The following DOCK8 variants were observed in gnomAD, a reference collection of about 807,000 sequenced individuals.
The protein encoded by DOCK8 is dedicator of cytokinesis 8.
A neutral mutation model predicts 245.6 loss-of-function variants in DOCK8; 141 were observed. The observed-to-expected ratio is 0.57, with a 90% CI of 0.50 to 0.66. The LOEUF is 0.66. Among genes scored for constraint, DOCK8 ranks in the 30% least tolerant of loss-of-function variants. The pLI, the probability that DOCK8 is intolerant of heterozygous loss-of-function variation, is 0.00. For synonymous variants in DOCK8, 1,168 were observed against 970.2 expected (o/e 1.20, Z -3.79); for missense variants, 2,965 against 2,603.4 (o/e 1.14, Z -3.02).
At chr9:391,844 T>A (rs1013710643) in intron 24 of DOCK8, among the ~76,000 whole-genome samples, 4 of 136,390 alleles carry the variant, frequency 2.9e-5, no homozygotes, top group East Asian at 4.0e-4. Flanking sequence ...TTTTTTTTTT[T>A]AAAGAGAGTC....
chr9:213,254 GA>G (rs1044819640), upstream of DOCK8: 3 of 152,270 alleles, frequency 2.0e-5, no homozygotes, highest in African/African-American at 7.2e-5. Flanking sequence ...AACCAGTACT[GA>G]AAAGTTACTA....
At chr9:264,124 A>C (rs1298796786) in intron 1 of DOCK8, among the ~76,000 whole-genome samples, 2 of 152,220 alleles carry the variant, frequency 1.3e-5, no homozygotes, top group Non-Finnish European at 2.9e-5. Flanking sequence ...TTTTCTTTAA[A>C]CACAAGACAC....
chr9:305,833 CTCACAGCAGCATTAT>C (rs139158528), intron 5 of DOCK8, among the ~76,000 whole-genome samples: 2,186 of 152,282 alleles, frequency 0.014, 61 homozygotes, highest in African/African-American at 0.051. Context: ...TACACCTATG[CTCACAGCAGCATTAT>C]TCACAGCAGC....
intron 29 of DOCK8, among the ~76,000 whole-genome samples, chr9:416,089 C>T (rs193054769): frequency 7.9e-5 from 12 of 152,174 alleles, no homozygotes; most frequent in Admixed American, 7.9e-4. Context: ...TGGAGTAACT[C>T]AGAAGAGAAA....
chr9:400,279 A>T (rs1320607069), intron 26 of DOCK8, among the ~76,000 whole-genome samples: 12 of 48,292 alleles, frequency 2.5e-4, no homozygotes, highest in African/African-American at 1.6e-3. Context: ...CATCACCACC[A>T]CTTCCTTCAC....
At chr9:365,648 C>T (rs1324530301) in intron 14 of DOCK8, 1 of 453,546 alleles carries the variant, frequency 2.2e-6, no homozygotes, top group South Asian at 1.6e-5. Context: ...CCTTTGAGGT[C>T]GATGCAATTA....
At chr9:224,589 A>G (rs957062255) in intron 1 of DOCK8, among the ~76,000 whole-genome samples, 1 of 152,150 alleles carries the variant, frequency 6.6e-6, no homozygotes, top group African/African-American at 2.4e-5. Flanking sequence ...TCTCACTGCC[A>G]TACAGAGCAA....
intron 2 of DOCK8, among the ~76,000 whole-genome samples, chr9:274,001 C>G (rs1400179353): frequency 6.6e-6 from 1 of 152,134 alleles, no homozygotes; most frequent in Non-Finnish European, 1.5e-5. Flanking sequence ...CCACCATGCC[C>G]GGCCACCAGC....
In DOCK8 at chr9:413,083, T is replaced by TC. The variant is rs200696818; in HGVS notation, c.3531-1699_3531-1698insC. Among the ~76,000 whole-genome samples the TC allele has an allele frequency of 5.0e-4, 76 of 152,272 alleles. No individual in the cohort carries two copies. The East Asian group carries it at 0.011, about 22-fold the overall frequency. On this transcript the variant is annotated intron_variant, in intron 28 of 47. Transcript: ENST00000432829. Reference sequence around the variant, plus strand: ...AGACATATAGATCAATGAAATTGGGTTAAGAGTCCAAAAATAAATCTTCAT... The same window carrying TC: ...AGACATATAGATCAATGAAATTGGGTCTAAGAGTCCAAAAATAAATCTTCAT...
chr9:355,820 CA>C (rs1217106570), intron 14 of DOCK8, among the ~76,000 whole-genome samples: 4 of 151,938 alleles, frequency 2.6e-5, no homozygotes, highest in Admixed American at 2.6e-4. Context: ...ACCTCCCAAG[CA>C]TCTGCAGATC....
intron 1 of DOCK8, among the ~76,000 whole-genome samples, chr9:250,000 C>T (rs180899390): frequency 1.5e-3 from 221 of 152,182 alleles, no homozygotes; most frequent in African/African-American, 5.0e-3. Flanking sequence ...GCAGGTAGTC[C>T]AAAGGCCCTA....
chr9:353,075 G>C (rs2052254382), intron 14 of DOCK8, among the ~76,000 whole-genome samples: 1 of 152,158 alleles, frequency 6.6e-6, no homozygotes, highest in South Asian at 2.1e-4. Flanking sequence ...ACAAGGAGGG[G>C]ACTGCCTGTC....
intron 33 of DOCK8, among the ~76,000 whole-genome samples, chr9:422,712 G>T (rs2056324379): frequency 6.6e-6 from 1 of 152,120 alleles, no homozygotes; most frequent in African/African-American, 2.4e-5. Context: ...TTCTAGTAGT[G>T]TGTGGCTCAC....
rs146457785 is a variant in DOCK8, at chr9:253,906, A to G, written c.54-17721A>G. On this transcript the variant is annotated intron_variant, in intron 1 of 47. Coordinates refer to ENST00000432829, the MANE Select transcript of DOCK8 (RefSeq NM_203447.4). ...ATCGTAACCACATTTATGCATTGAG[A>G]AAAGAGAGTGAGGCCAAGATTTTGA... 2.5e-3 allele frequency among the ~76,000 whole-genome samples: 379 copies of G among 152,324 alleles called. 5 individuals are homozygous for G. The East Asian group carries it at 0.036, about 14-fold the overall frequency.
chr9:284,637 G>C lies in DOCK8; in HGVS notation c.157-1824G>C, dbSNP rs765753694. 9 of 152,256 alleles carry C rather than the reference G, an allele frequency of 5.9e-5. 1 individual carries two copies. The highest frequency in any genetic ancestry group is 6.8e-3 in the Middle Eastern group (2 of 294). The allele number at this position is 152,256 out of a possible 1,614,324, so 9.4% of individuals were successfully genotyped here. On this transcript the variant is annotated intron_variant, in intron 2 of 47. Coordinates refer to ENST00000432829, the MANE Select transcript of DOCK8 (RefSeq NM_203447.4). ...AAATCATTCTACCATAAAGACACAC[G>C]CGTGTGAATGTTTATTGCAACACTA... is the stretch of plus-strand genomic sequence containing the variant.
chr9:230,558 AC>A (rs1380626936), intron 1 of DOCK8, among the ~76,000 whole-genome samples: 1 of 151,994 alleles, frequency 6.6e-6, no homozygotes, highest in Non-Finnish European at 1.5e-5. Context: ...CCTCTCCGGC[AC>A]CTGTTGTTTC....
intron 30 of DOCK8, among the ~76,000 whole-genome samples, chr9:419,524 T>C (rs1378332624): frequency 6.6e-6 from 1 of 152,224 alleles, no homozygotes; most frequent in Admixed American, 6.5e-5. Flanking sequence ...ATCTCAAGAT[T>C]TCCTTTATTC....
intron 1 of DOCK8, among the ~76,000 whole-genome samples, chr9:236,169 C>G (rs1325822970): frequency 6.6e-6 from 1 of 152,178 alleles, no homozygotes; most frequent in African/African-American, 2.4e-5. Context: ...TCCCACCAAC[C>G]TTAGTGTGTG....
Position 464,202 on chromosome 9 carries a change from T to G in DOCK8, c.6283T>G (p.Leu2095Val), listed in dbSNP as rs1273669876. Residue 2095 changes from leucine (L) to valine (V), a missense_variant, in exon 48 of 48, where the codon TTG (leucine) becomes GTG (valine). Coordinates refer to ENST00000432829, the MANE Select transcript of DOCK8 (RefSeq NM_203447.4). Reference sequence around the variant, plus strand: ...TAGTTTCAGGAAATGTGAAACCCAGTTGTCACAGGGCAGCTAAGAAAAGCC... The same window carrying G: ...TAGTTTCAGGAAATGTGAAACCCAGGTGTCACAGGGCAGCTAAGAAAAGCC... ...RSSFRKCETQ[L>V]SQGS The G allele has an allele frequency of 1.2e-6, 2 of 1,613,956 alleles. No homozygotes were observed. The highest frequency in any genetic ancestry group is 1.7e-6 in the Non-Finnish European group (2 of 1,179,904).
Sources: allele counts gnomAD v4.1 joint callset (sites outside exome capture counted in the v4.1 genomes callset), GRCh38; gene constraint gnomAD v4.1.1; transcripts MANE v1.5; gene names NCBI Gene and HGNC (gene_info 2026-07-23, HGNC 2026-07-21).